Variants in EDDM13 observed in about 807,000 individuals in gnomAD.
EDDM13 encodes epididymal protein 13.
Under a neutral mutation model 17.8 loss-of-function variants are expected in EDDM13, and 24 were observed. That is an observed-to-expected ratio of 1.35 (90% confidence interval 0.98 to 1.90). EDDM13 has a LOEUF of 1.90. EDDM13 is among the 40% of genes most tolerant of loss of function. EDDM13 has a pLI of 0.00. For synonymous variants in EDDM13, 31 were observed against 37.5 expected (o/e 0.83, Z 0.63); for missense variants, 97 against 100.8 (o/e 0.96, Z 0.16).
Position 56,302,159 on chromosome 19 carries a change from G to A in EDDM13, c.423+64G>A, listed in dbSNP as rs113836373. 1,893 of 1,180,160 alleles carry A rather than the reference G, an allele frequency of 1.6e-3. 20 individuals carry two copies. In the African/African-American group the frequency reaches 0.026, roughly 16 times the overall value. 73.1% of individuals were successfully genotyped at this position (1,180,160 alleles called of 1,614,324 possible). ...GAGGAAGGAAAGAGGAGGGAAGTGG[G>A]GGCACAGAGGAAGCGAAGGAGGGTG... On this transcript the variant is annotated intron_variant, in intron 13 of 14. Coordinates refer to ENST00000649256, the MANE Select transcript of EDDM13 (RefSeq NM_001354658.2).
intron 6 of EDDM13, among the ~76,000 whole-genome samples, chr19:56,285,340 C>G (rs1021633321): frequency 6.6e-6 from 1 of 152,222 alleles, no homozygotes; most frequent in Non-Finnish European, 1.5e-5. Flanking sequence ...CGGCTCTGCT[C>G]TCTAGAAGCA....
intron 8 of EDDM13, among the ~76,000 whole-genome samples, chr19:56,290,011 C>A (rs951263560): frequency 1.5e-4 from 23 of 152,204 alleles, no homozygotes; most frequent in African/African-American, 5.1e-4. Flanking sequence ...TATTATATAA[C>A]TGAATTCTCC....
chr19:56,287,212 C>T (rs1201482459), intron 6 of EDDM13, among the ~76,000 whole-genome samples: 6 of 152,236 alleles, frequency 3.9e-5, no homozygotes, highest in African/African-American at 1.4e-4. Flanking sequence ...AAGTAGAACT[C>T]TCCTCCTTGC....
rs73937233 is a variant in EDDM13, at chr19:56,308,672, G to A, written c.462-1452G>A. Among the ~76,000 whole-genome samples the A allele has an allele frequency of 2.5e-3, 363 of 145,168 alleles. 1 individual carries two copies. Among genetic ancestry groups the A allele is most frequent in the African/African-American group, 8.9e-3 (346 of 38,764 alleles). On this transcript the variant is annotated intron_variant, in intron 14 of 14. Transcript: ENST00000649256. ...CCCAAAACATCACATTTTTTTTCCCGCTCCATTATGCCATTGCACACATTG... is the reference window on the plus strand; with the variant it reads ...CCCAAAACATCACATTTTTTTTCCCACTCCATTATGCCATTGCACACATTG...
chr19:56,291,444 T>G (rs574596190), intron 9 of EDDM13, among the ~76,000 whole-genome samples: 5 of 152,346 alleles, frequency 3.3e-5, no homozygotes, highest in Admixed American at 2.6e-4. Flanking sequence ...ATCGCATTAA[T>G]CTGGAAGACA....
chr19:56,302,347 TTCC>T (rs1206027150), intron 13 of EDDM13, among the ~76,000 whole-genome samples: 14 of 140,374 alleles, frequency 1.0e-4, no homozygotes, highest in Admixed American at 4.3e-4. Flanking sequence ...CCCTTTCCTC[TTCC>T]TTTTTTCTTC....
At position 56,288,890 on chromosome 19, in the gene EDDM13, A is replaced by C. The variant is rs865838589; in HGVS notation, c.225A>C (p.Glu75Asp). Among the ~76,000 whole-genome samples the C allele has an allele frequency of 1.2e-4, 18 of 152,330 alleles. No homozygotes were observed. The highest frequency in any genetic ancestry group is 2.1e-4 in the South Asian group (1 of 4,826). ...LVSPQDRTEE[E>D]IKKILGLLSL... is the part of the protein sequence containing the mutation. ...AGCCTCCAGATAGGACAGAAGAAGA[A>C]AGTAAGTACTGTGACAGTTTTTGTC... Residue 75 changes from glutamate (E) to aspartate (D), a missense_variant and splice_region_variant, in exon 8 of 15, where the codon GAA becomes GAC. Physicochemically the swap from Glu to Asp is conservative, Grantham distance 45. Transcript: ENST00000649256.
chr19:56,278,967 A>C (rs2038471948), intron 2 of EDDM13, among the ~76,000 whole-genome samples: 1 of 152,148 alleles, frequency 6.6e-6, no homozygotes, highest in South Asian at 2.1e-4. Flanking sequence ...TTCCCTACCT[A>C]GTCTTCCAAC....
At chr19:56,276,909 AAAT>A (rs1352545153) in intron 2 of EDDM13, among the ~76,000 whole-genome samples, 2 of 151,972 alleles carry the variant, frequency 1.3e-5, no homozygotes, top group African/African-American at 4.8e-5. Flanking sequence ...TTATATTTAC[AAAT>A]ATTATAAATA....
chr19:56,299,174 C>T (rs1462447746), intron 12 of EDDM13, among the ~76,000 whole-genome samples: 2 of 151,970 alleles, frequency 1.3e-5, no homozygotes, highest in African/African-American at 4.8e-5. Context: ...CTTTGTTGCC[C>T]AGGCTGGAGT....
chr19:56,298,567 C>G (rs2040028900), intron 12 of EDDM13, among the ~76,000 whole-genome samples: 1 of 151,380 alleles, frequency 6.6e-6, no homozygotes, highest in African/African-American at 2.4e-5. Flanking sequence ...GCAGGAGAAT[C>G]ACTTGAACCT....
chr19:56,297,873 A>ATTTT (rs1360466742), intron 12 of EDDM13: 1 of 152,242 alleles, frequency 6.6e-6, no homozygotes, highest in African/African-American at 2.4e-5. Context: ...ACCAGAAAAT[A>ATTTT]GCAGCAAGCC....
chr19:56,281,261 G>T (rs1028547339), intron 2 of EDDM13, among the ~76,000 whole-genome samples: 3 of 152,110 alleles, frequency 2.0e-5, no homozygotes, highest in Non-Finnish European at 4.4e-5. Flanking sequence ...TGGTCTTTCT[G>T]TCTCAGGGGT....
intron 3 of EDDM13, among the ~76,000 whole-genome samples, 159 bp from the exon 4 acceptor site, chr19:56,282,332 C>A (rs2038776161): frequency 6.6e-6 from 1 of 152,106 alleles, no homozygotes; most frequent in Admixed American, 6.6e-5. Flanking sequence ...AATTGCAGCT[C>A]CCCATTCTGG....
intron 2 of EDDM13, among the ~76,000 whole-genome samples, 167 bp from the exon 3 acceptor site, chr19:56,281,526 T>C (rs1218800499): frequency 3.3e-5 from 5 of 152,144 alleles, no homozygotes; most frequent in African/African-American, 1.2e-4. Context: ...TAGCGTCCCA[T>C]ATAAAGATCG....
At chr19:56,308,818 A>G (rs2040861321) in intron 14 of EDDM13, among the ~76,000 whole-genome samples, 1 of 152,224 alleles carries the variant, frequency 6.6e-6, no homozygotes, top group Non-Finnish European at 1.5e-5. Context: ...ATGCTGAAGG[A>G]AATGAATGGT....
At chr19:56,292,318 C>T (rs1435342755) in intron 9 of EDDM13, among the ~76,000 whole-genome samples, 3 of 152,318 alleles carry the variant, frequency 2.0e-5, no homozygotes, top group Non-Finnish European at 2.9e-5. Context: ...GGATCTTGCT[C>T]TGTTGTCCAG....
intron 13 of EDDM13, among the ~76,000 whole-genome samples, chr19:56,302,345 TCTTC>T (rs774778802): frequency 4.7e-5 from 6 of 127,360 alleles, no homozygotes; most frequent in Non-Finnish European, 6.5e-5. Flanking sequence ...TTCCCTTTCC[TCTTC>T]CTTTTTTCTT....
At chr19:56,274,948 A>AT (rs1469783365) in intron 1 of EDDM13, 1 of 152,102 alleles carries the variant, frequency 6.6e-6, no homozygotes, top group Non-Finnish European at 1.5e-5. Context: ...GTTTTGCAGA[A>AT]TTTCTCTCAA....
Sources: gnomAD v4.1 joint callset for allele counts (sites outside exome capture counted in the v4.1 genomes callset) on GRCh38, gnomAD v4.1.1 for gene constraint, MANE v1.5 for transcripts, NCBI Gene and HGNC (gene_info 2026-07-23, HGNC 2026-07-21) for gene names.